TASOR2: variants seen among roughly 807,000 people sequenced by gnomAD.
TASOR2 encodes transcription activation suppressor family member 2, also known as protein TASOR 2.
A neutral mutation model predicts 199.5 loss-of-function variants in TASOR2; 84 were observed. The observed-to-expected ratio is 0.42, with a 90% CI of 0.35 to 0.50. The LOEUF is 0.50. Ranked by LOEUF, TASOR2 falls within the 20% of genes least tolerant of loss-of-function variation. The pLI, the probability that TASOR2 is intolerant of heterozygous loss-of-function variation, is 0.02. For missense variants in TASOR2, 2,796 were observed against 2,835.9 expected, an observed-to-expected ratio of 0.99 and a Z score of 0.32; for synonymous variants, 1,103 against 1,046.6, an observed-to-expected ratio of 1.05 and a Z score of -1.04.
In TASOR2 at chr10:5,690,532, C is replaced by T. The variant is rs1450347942; in HGVS notation, c.-288+5357C>T. On this transcript the variant is annotated intron_variant, in intron 1 of 20. Transcript: ENST00000328090. This position sits in a 1 kb window ranked among gnomAD's most constrained non-coding sequence, Gnocchi z 4.8. ...CTGTGCCCAGGACATTTTGCGTGGG[C>T]TACGTGTAGAGGTGGTGGCCATACA... Among the ~76,000 whole-genome samples, 1 of 152,172 alleles carries T rather than the reference C, an allele frequency of 6.6e-6. No homozygotes were observed. The highest frequency in any genetic ancestry group is 6.5e-5 in the Admixed American group (1 of 15,278).
intron 19 of TASOR2, 70 bp from the exon 21 acceptor site, chr10:5,762,462 A>T (rs116768481): frequency 4.8e-6 from 2 of 413,326 alleles, no homozygotes; most frequent in Non-Finnish European, 8.3e-6. Flanking sequence ...TAAAATAAAA[A>T]ACCAGGTCCT....
chr10:5,697,403 G>C (rs1414487779), intron 1 of TASOR2, among the ~76,000 whole-genome samples: 2 of 152,196 alleles, frequency 1.3e-5, no homozygotes, highest in African/African-American at 4.8e-5. Flanking sequence ...GGTATCTCCA[G>C]CAACTTATTC....
chr10:5,707,817 G>C (rs1456746391), intron 1 of TASOR2, among the ~76,000 whole-genome samples: 1 of 151,096 alleles, frequency 6.6e-6, no homozygotes, highest in African/African-American at 2.4e-5. Context: ...GAACAAAATT[G>C]TGGTTTTATG....
Position 5,723,800 on chromosome 10 carries a change from G to T in TASOR2, c.247+23G>T, listed in dbSNP as rs374967651. The T allele has an allele frequency of 2.0e-4, 301 of 1,494,230 alleles. 1 individual carries two copies. In the African/African-American group the frequency reaches 3.8e-3, roughly 19 times the overall value. 92.6% of individuals were successfully genotyped at this position (1,494,230 alleles called of 1,614,324 possible). On this transcript the variant is annotated intron_variant, in intron 7 of 20. Coordinates refer to ENST00000328090, the Ensembl canonical transcript of TASOR2. Reference sequence around the variant, plus strand: ...AAGGTCTGTTGAAATGTAATAACACGCTACTTGTCCTGGGCTTTGTTCTGG... The same window carrying T: ...AAGGTCTGTTGAAATGTAATAACACTCTACTTGTCCTGGGCTTTGTTCTGG...
intron 14 of TASOR2, 55 bp from the exon 16 acceptor site, chr10:5,746,124 A>T (rs1352406856): frequency 5.4e-6 from 8 of 1,488,172 alleles, no homozygotes; most frequent in Non-Finnish European, 7.1e-6. Context: ...ATATAATCGT[A>T]TAAAAAACAT....
intron 1 of TASOR2, among the ~76,000 whole-genome samples, chr10:5,697,453 A>G (rs1269659747): frequency 6.6e-6 from 1 of 152,230 alleles, no homozygotes; most frequent in East Asian, 1.9e-4. Context: ...GAAGTCTCGT[A>G]TACCTGGCTA....
exon 12 of TASOR2, chr10:5,735,533 G>A: frequency 6.2e-7 from 1 of 1,613,548 alleles, no homozygotes; most frequent in African/African-American, 1.3e-5. Context: ...GAAACAGAAA[G>A]CAGCTACAAC....
chr10:5,715,435 CTTTATAGA>C, intron 2 of TASOR2, among the ~76,000 whole-genome samples: 1 of 152,052 alleles, frequency 6.6e-6, no homozygotes, highest in Non-Finnish European at 1.5e-5. Context: ...TATTTTCTGC[CTTTATAGA>C]TTTGTCTATT....
intron 1 of TASOR2, among the ~76,000 whole-genome samples, chr10:5,702,117 T>C (rs1220407866): frequency 6.6e-6 from 1 of 152,212 alleles, no homozygotes; most frequent in Non-Finnish European, 1.5e-5. Context: ...CCTTTATTAC[T>C]TGAGATACGT....
intron 1 of TASOR2, among the ~76,000 whole-genome samples, chr10:5,704,896 G>A (rs1427653137): frequency 2.0e-5 from 3 of 152,080 alleles, no homozygotes; most frequent in Admixed American, 1.3e-4. Context: ...CATTTTACTT[G>A]ATTTTGGTCA....
intron 10 of TASOR2, among the ~76,000 whole-genome samples, chr10:5,727,650 C>G (rs189336834): frequency 1.3e-5 from 2 of 152,054 alleles, no homozygotes; most frequent in Non-Finnish European, 1.5e-5. Flanking sequence ...AAAAATGACT[C>G]TAAGAGGGCT....
At chr10:5,717,699 A>G in exon 3 of TASOR2, 1 of 1,226,420 alleles carries the variant, frequency 8.2e-7, no homozygotes, top group South Asian at 4.1e-5. Context: ...TTCATTCAAG[A>G]CCATGGTATC....
chr10:5,697,731 C>G (rs760152493), intron 1 of TASOR2, among the ~76,000 whole-genome samples: 5 of 152,024 alleles, frequency 3.3e-5, no homozygotes, highest in African/African-American at 4.8e-5. Flanking sequence ...AGAGGGAACC[C>G]TAAAGAAACA....
rs571540506 is a variant in TASOR2 at position 5,720,378 on chromosome 10, G to A, written c.-99-166G>A. On this transcript the variant is annotated intron_variant, in intron 3 of 20. Coordinates refer to ENST00000328090, the Ensembl canonical transcript of TASOR2. The surrounding 1 kb of genome is among the most constrained non-coding windows in gnomAD (Gnocchi z 5.3). ...GTTTCTAACAAGACGAGTCATTTTC[G>A]TGCCTTTGAACTGAGTCAGGTATAG... 203 of 985,182 alleles carry A rather than the reference G, an allele frequency of 2.1e-4. 1 individual carries two copies. In the African/African-American group the frequency reaches 2.8e-3, roughly 14 times the overall value. The allele number at this position is 985,182 out of a possible 1,614,324, so 61.0% of individuals were successfully genotyped here.
chr10:5,713,032 G>C (rs2131551133), intron 2 of TASOR2, 114 bp downstream of exon 2: 1 of 493,184 alleles, frequency 2.0e-6, no homozygotes, highest in Non-Finnish European at 3.2e-6. Flanking sequence ...TTGTTGCTTA[G>C]TTTGGTGGCA....
At chr10:5,743,178 G>A (rs1251469922) in intron 14 of TASOR2, among the ~76,000 whole-genome samples, 2 of 152,202 alleles carry the variant, frequency 1.3e-5, no homozygotes, top group African/African-American at 2.4e-5. Context: ...AAAGTTTTCC[G>A]CCCAAATTTA....
chr10:5,686,113 T>A (rs1051720312), intron 1 of TASOR2, among the ~76,000 whole-genome samples: 2 of 152,156 alleles, frequency 1.3e-5, no homozygotes, highest in Non-Finnish European at 2.9e-5. Flanking sequence ...GGTGACTGTA[T>A]GCGGTATGTC....
intron 8 of TASOR2, 71 bp from the exon 10 acceptor site, chr10:5,726,814 G>A: frequency 7.4e-7 from 1 of 1,353,260 alleles, no homozygotes; most frequent in South Asian, 1.2e-5. Context: ...ATTCACTAAT[G>A]AGTATGGGTA....
intron 14 of TASOR2, among the ~76,000 whole-genome samples, 195 bp from the exon 16 acceptor site, chr10:5,745,984 G>A (rs78008092): frequency 0.033 from 5,008 of 152,200 alleles, 131 homozygotes; most frequent in Non-Finnish European, 0.052. Context: ...CCACTGGGGG[G>A]TATTTTAAGT....
Sources: gnomAD v4.1 joint callset for allele counts (sites outside exome capture counted in the v4.1 genomes callset) on GRCh38, gnomAD v4.1.1 for gene constraint, Gnocchi (gnomAD v3.1) non-coding constraint, MANE v1.5 for transcripts, NCBI Gene and HGNC (gene_info 2026-07-23, HGNC 2026-07-21) for gene names.